CHD1L: variants seen among roughly 807,000 people sequenced by gnomAD.
The protein encoded by CHD1L is ATP-dependent chromatin remodeler CHD1L.
Under a neutral mutation model 115.9 loss-of-function variants are expected in CHD1L, and 118 were observed. The observed-to-expected ratio is 1.02, with a 90% CI of 0.88 to 1.19. The LOEUF (loss-of-function observed/expected upper bound fraction) is 1.19. CHD1L is among the 50% of genes most tolerant of loss of function. The pLI is 0.00. For synonymous variants in CHD1L, 411 were observed against 387.1 expected (o/e 1.06, Z -0.72); for missense variants, 1,179 against 1,065.3 (o/e 1.11, Z -1.49).
chr1:147,214,450 G>GA, the CHD1L span, among the ~76,000 whole-genome samples: 42 of 24,184 alleles, frequency 1.7e-3, no homozygotes, highest in South Asian at 2.3e-3. Context: ...GACTCTGTCT[G>GA]AAAAAAAACA....
At chr1:147,191,900 T>A in the CHD1L span, among the ~76,000 whole-genome samples, 21 of 152,072 alleles carry the variant, frequency 1.4e-4, no homozygotes, top group Non-Finnish European at 2.5e-4. Flanking sequence ...ACCATGCTGT[T>A]TTGGTTACTG....
rs1553939822 is a variant in CHD1L, at chr1:147,255,797, C to A, written c.348-16C>A. The A allele has an allele frequency of 1.3e-6, 2 of 1,572,908 alleles. No homozygotes were observed. Among genetic ancestry groups the A allele is most frequent in the South Asian group, 1.1e-5 (1 of 89,290 alleles). On this transcript the variant is annotated splice_polypyrimidine_tract_variant and intron_variant, in intron 3 of 22. Transcript: ENST00000369258. ...ATCTAGTATTTATGTTTATCTACTT[C>A]TTTTCTTGGATTCAGATTTGCTCCA...
intron 19 of CHD1L, among the ~76,000 whole-genome samples, chr1:147,289,528 G>A (rs1264192315): frequency 6.6e-6 from 1 of 152,164 alleles, no homozygotes; most frequent in South Asian, 2.1e-4. Flanking sequence ...TAAGGCCTGA[G>A]GGCTCAGGAA....
chr1:147,238,209 C>G (rs1248481595), upstream of CHD1L, among the ~76,000 whole-genome samples: 1 of 152,160 alleles, frequency 6.6e-6, no homozygotes, highest in Non-Finnish European at 1.5e-5. Flanking sequence ...ATCTTCCACC[C>G]ATGGGCACGG....
chr1:147,176,807 C>A, the CHD1L span, among the ~76,000 whole-genome samples: 1 of 151,908 alleles, frequency 6.6e-6, no homozygotes, highest in Non-Finnish European at 1.5e-5. Flanking sequence ...AGGGCAAGTA[C>A]TTTTATCTTT....
In CHD1L at chr1:147,295,436, A is replaced by G; in HGVS notation, c.2621A>G (p.Tyr874Cys). The G allele has an allele frequency of 1.2e-6, 2 of 1,606,058 alleles. No individual in the cohort carries two copies. Among genetic ancestry groups the G allele is most frequent in the Non-Finnish European group, 1.7e-6 (2 of 1,173,724 alleles). Residue 874 changes from tyrosine to cysteine, a missense_variant, in exon 23 of 23, where the codon TAT becomes TGT. By Grantham distance (194) the Tyr-to-Cys change is radical (BLOSUM62 -2). Coordinates refer to ENST00000369258, the MANE Select transcript of CHD1L (RefSeq NM_004284.6). ...AARGIPTYIY[Y>C]FPRSKSAVLH... ...TCCTTGACCATCCTTATCAGATATT[A>G]TTTTCCTAGAAGCAAGTCTGCTGTC...
the CHD1L span, among the ~76,000 whole-genome samples, chr1:147,211,980 C>CA: frequency 6.6e-6 from 1 of 152,200 alleles, no homozygotes; most frequent in Non-Finnish European, 1.5e-5. Flanking sequence ...TTCCAATGAT[C>CA]ACGCGTGCTT....
the CHD1L span, among the ~76,000 whole-genome samples, chr1:147,192,608 T>C: frequency 1.3e-5 from 2 of 151,888 alleles, no homozygotes; most frequent in African/African-American, 4.8e-5. Flanking sequence ...AAGGGAATGC[T>C]TCCAGTTTTT....
At chr1:147,282,043 A>G (rs1553962284) in intron 15 of CHD1L, among the ~76,000 whole-genome samples, 1 of 152,186 alleles carries the variant, frequency 6.6e-6, no homozygotes, top group East Asian at 1.9e-4. Flanking sequence ...AAAAAGGAAA[A>G]TTCGTTTGGG....
chr1:147,247,355 A>C (rs1666941086), intron 1 of CHD1L, among the ~76,000 whole-genome samples: 1 of 152,120 alleles, frequency 6.6e-6, no homozygotes, highest in Non-Finnish European at 1.5e-5. Flanking sequence ...TCCTGAATAG[A>C]TTAATGCTCT....
At chr1:147,284,617 G>A (rs1333820826) in intron 16 of CHD1L, 118 bp downstream of exon 16, 6 of 908,860 alleles carry the variant, frequency 6.6e-6, no homozygotes, top group Non-Finnish European at 9.6e-6. Flanking sequence ...AAATAAGTAT[G>A]TGTTTGCTGA....
intron 12 of CHD1L, among the ~76,000 whole-genome samples, chr1:147,274,114 A>C (rs1421427997): frequency 6.6e-6 from 1 of 152,210 alleles, no homozygotes; most frequent in Non-Finnish European, 1.5e-5. Flanking sequence ...CCAAGACTGC[A>C]AGGGAATGAA....
At chr1:147,229,650 G>A in the CHD1L span, among the ~76,000 whole-genome samples, 1 of 152,086 alleles carries the variant, frequency 6.6e-6, no homozygotes, top group African/African-American at 2.4e-5. Context: ...AGCATGGAAT[G>A]TTCTTCCATT....
the CHD1L span, chr1:147,203,315 G>C: frequency 6.3e-7 from 1 of 1,595,576 alleles, no homozygotes; most frequent in South Asian, 1.1e-5. Context: ...TTCCCACTTG[G>C]AGGCTTGGGC....
At chr1:147,216,272 A>G in the CHD1L span, among the ~76,000 whole-genome samples, 1 of 152,210 alleles carries the variant, frequency 6.6e-6, no homozygotes, top group African/African-American at 2.4e-5. Context: ...TGAGACCACC[A>G]TAGCTTGAGG....
the CHD1L span, among the ~76,000 whole-genome samples, chr1:147,198,805 A>G: frequency 7.1e-6 from 1 of 141,786 alleles, no homozygotes. Flanking sequence ...GGGCCGAGAT[A>G]GCGCCACTGC....
At chr1:147,212,889 T>C in the CHD1L span, among the ~76,000 whole-genome samples, 2 of 152,096 alleles carry the variant, frequency 1.3e-5, no homozygotes, top group African/African-American at 4.8e-5. Flanking sequence ...TATTCTTATA[T>C]ACTTTAGAGT....
chr1:147,229,844 T>C, the CHD1L span, among the ~76,000 whole-genome samples: 1 of 152,074 alleles, frequency 6.6e-6, no homozygotes, highest in Middle Eastern at 3.4e-3. Context: ...GCTTGTGATT[T>C]TTGTGCATTG....
At chr1:147,263,468 A>G (rs147214134) in intron 6 of CHD1L, among the ~76,000 whole-genome samples, 184 of 151,974 alleles carry the variant, frequency 1.2e-3, no homozygotes, top group African/African-American at 4.2e-3. Flanking sequence ...CAAGATGTCA[A>G]GATATGGCTT....
Sources: allele counts gnomAD v4.1 joint callset (sites outside exome capture counted in the v4.1 genomes callset), GRCh38; gene constraint gnomAD v4.1.1; transcripts MANE v1.5; gene names NCBI Gene and HGNC (gene_info 2026-07-23, HGNC 2026-07-21).